The following KLF13 variants were observed in gnomAD, a reference collection of about 807,000 sequenced individuals.
The protein encoded by KLF13 is KLF transcription factor 13, also known as Krueppel-like factor 13.
A neutral mutation model predicts 16.7 loss-of-function variants in KLF13; 8 were observed. The observed-to-expected ratio is 0.48, with a 90% CI of 0.28 to 0.87. The LOEUF is 0.87. KLF13 is among the 40% of genes least tolerant of loss of function. The pLI is 0.10. For missense variants in KLF13, 447 were observed against 452.2 expected, an observed-to-expected ratio of 0.99 and a Z score of 0.10; for synonymous variants, 245 against 208.4, an observed-to-expected ratio of 1.18 and a Z score of -1.51.
intron 1 of KLF13, among the ~76,000 whole-genome samples, chr15:31,365,470 C>T (rs572403287): frequency 1.3e-5 from 2 of 152,278 alleles, no homozygotes; most frequent in African/African-American, 4.8e-5. Flanking sequence ...GAGGCCCTTG[C>T]GGCAGACGCT....
Position 31,410,252 on chromosome 15 carries a change from A to C in KLF13, n.117+16561A>C, listed in dbSNP as rs566643142. On this transcript the variant is annotated intron_variant and non_coding_transcript_variant, in intron 1 of 1. Transcript: ENST00000558225. Reference sequence around the variant, plus strand: ...AAAAGTATAAAGAAGAGTTATAAATAATAAGGCAATAATGGGGATCAAATT... The same window carrying C: ...AAAAGTATAAAGAAGAGTTATAAATCATAAGGCAATAATGGGGATCAAATT... 2.6e-5 allele frequency among the ~76,000 whole-genome samples: 4 copies of C among 152,186 alleles called. No individual in the cohort carries two copies. The South Asian group carries it at 8.3e-4, about 32-fold the overall frequency.
intron 1 of KLF13, among the ~76,000 whole-genome samples, chr15:31,367,792 G>A (rs544365416): frequency 1.3e-5 from 2 of 152,288 alleles, no homozygotes; most frequent in Admixed American, 6.5e-5. Context: ...CCGGTCGTGC[G>A]CAGCCCCATG....
chr15:31,343,079 G>A (rs2039055916), intron 1 of KLF13, among the ~76,000 whole-genome samples: 1 of 152,240 alleles, frequency 6.6e-6, no homozygotes, highest in Non-Finnish European at 1.5e-5. Flanking sequence ...TGTGCTTGGG[G>A]AGAGGAGGAC....
chr15:31,341,133 T>C (rs1271752190), intron 1 of KLF13, among the ~76,000 whole-genome samples: 1 of 152,208 alleles, frequency 6.6e-6, no homozygotes, highest in East Asian at 1.9e-4. Flanking sequence ...GTTTTATTTT[T>C]CATCAGAGAA....
intron 1 of KLF13, among the ~76,000 whole-genome samples, chr15:31,384,774 C>T (rs1010869600): frequency 1.3e-5 from 2 of 152,142 alleles, no homozygotes; most frequent in African/African-American, 4.8e-5. Flanking sequence ...TGACATAGAG[C>T]TGAGTGTGTC....
intron 1 of KLF13, among the ~76,000 whole-genome samples, chr15:31,431,497 C>T (rs1417919744): frequency 6.6e-6 from 1 of 152,114 alleles, no homozygotes; most frequent in Admixed American, 6.5e-5. Context: ...CAGAGTCTCC[C>T]TCTGTCGCCC....
chr15:31,368,185 A>G (rs569135492), intron 1 of KLF13, among the ~76,000 whole-genome samples: 3 of 152,230 alleles, frequency 2.0e-5, no homozygotes, highest in Non-Finnish European at 2.9e-5. Context: ...ACTTGGCTAT[A>G]TCTTTTGGGG....
Position 31,383,199 on chromosome 15 carries a change from T to A in KLF13, n.224-52171T>A, listed in dbSNP as rs569824534. Among the ~76,000 whole-genome samples, 45 of 152,318 alleles carry A rather than the reference T, an allele frequency of 3.0e-4. 1 individual carries two copies. The highest frequency in any genetic ancestry group is 1.1e-3 in the African/African-American group (44 of 41,570). Reference sequence around the variant, plus strand: ...ACAGCTGCTCCCTGTCTCTTGTCTGTCTCCTGCTCTTTTAACCATAAACAC... The same window carrying A: ...ACAGCTGCTCCCTGTCTCTTGTCTGACTCCTGCTCTTTTAACCATAAACAC... On this transcript the variant is annotated intron_variant and non_coding_transcript_variant, in intron 1 of 1. Coordinates refer to the KLF13 transcript ENST00000558921.
chr15:31,405,735 G>A (rs2040119825), downstream of KLF13, among the ~76,000 whole-genome samples: 1 of 152,158 alleles, frequency 6.6e-6, no homozygotes, highest in Non-Finnish European at 1.5e-5. Flanking sequence ...AAGGGGAGAG[G>A]CCTGCTGAGT....
chr15:31,378,692 T>C (rs1028411329), downstream of KLF13, among the ~76,000 whole-genome samples: 3 of 152,134 alleles, frequency 2.0e-5, no homozygotes, highest in Non-Finnish European at 4.4e-5. Context: ...TGTTCATACA[T>C]GACTACCTGT....
At chr15:31,405,189 C>T (rs552695878), downstream of KLF13, among the ~76,000 whole-genome samples, 329 of 152,254 alleles carry the variant, frequency 2.2e-3, 2 homozygotes, top group South Asian at 6.2e-3. Context: ...TGGTGTGCGC[C>T]TGTAATTCCA....
intron 1 of KLF13, chr15:31,366,416 A>C (rs1434366700): frequency 6.6e-6 from 1 of 152,470 alleles, no homozygotes; most frequent in East Asian, 1.9e-4. Flanking sequence ...ACACATAGCC[A>C]GAACCCCTGG....
At chr15:31,403,388 A>G (rs2040069252) in intron 2 of KLF13, 1 of 152,232 alleles carries the variant, frequency 6.6e-6, no homozygotes, top group African/African-American at 2.4e-5. Context: ...GCCCCACCAT[A>G]CATGTTCCCA....
At chr15:31,417,739 A>C (rs1395898553) in intron 1 of KLF13, among the ~76,000 whole-genome samples, 1 of 151,932 alleles carries the variant, frequency 6.6e-6, no homozygotes. Flanking sequence ...ACAGGGTTTC[A>C]TCATATTATA....
At chr15:31,387,468 C>T (rs1298209700) in intron 1 of KLF13, among the ~76,000 whole-genome samples, 2 of 152,146 alleles carry the variant, frequency 1.3e-5, no homozygotes, top group Admixed American at 6.5e-5. Flanking sequence ...AATGCTATTG[C>T]ACACTTAATA....
In KLF13 at chr15:31,335,253, G is replaced by C. The variant is rs538488799; in HGVS notation, c.577+7464G>C. Among the ~76,000 whole-genome samples, 8 of 152,166 alleles carry C rather than the reference G, an allele frequency of 5.3e-5. No individual in the cohort carries two copies. The East Asian group carries it at 1.5e-3, about 29-fold the overall frequency. On this transcript the variant is annotated intron_variant, in intron 1 of 1. Coordinates refer to ENST00000307145, the MANE Select transcript of KLF13 (RefSeq NM_015995.4). ...CAGCTGTTTGTGAGGCAGGCTTTTG[G>C]GGGAGACATGAAGTTTGTTCAGTTG...
chr15:31,387,158 T>C (rs1285193641), intron 1 of KLF13, among the ~76,000 whole-genome samples: 2 of 152,326 alleles, frequency 1.3e-5, no homozygotes, highest in East Asian at 3.9e-4. Context: ...GACTCCAATT[T>C]TGGAGGAAGT....
intron 1 of KLF13, among the ~76,000 whole-genome samples, chr15:31,356,556 A>T (rs2039303219): frequency 6.6e-6 from 1 of 152,238 alleles, no homozygotes; most frequent in Non-Finnish European, 1.5e-5. Context: ...CGTCTCAAAA[A>T]ATAAGTGAGA....
At chr15:31,371,198 T>C (rs1366983053) in intron 1 of KLF13, among the ~76,000 whole-genome samples, 1 of 152,160 alleles carries the variant, frequency 6.6e-6, no homozygotes, top group Non-Finnish European at 1.5e-5. Flanking sequence ...CCTGGGTAAA[T>C]GCTGGCCTGT....
Sources: gnomAD v4.1 joint callset for allele counts (sites outside exome capture counted in the v4.1 genomes callset) on GRCh38, gnomAD v4.1.1 for gene constraint, MANE v1.5 for transcripts, NCBI Gene and HGNC (gene_info 2026-07-23, HGNC 2026-07-21) for gene names.